Variants in GAB2 observed in about 807,000 individuals in gnomAD.
The protein encoded by GAB2 is GRB2-associated-binding protein 2.
Under a neutral mutation model 65.5 loss-of-function variants are expected in GAB2, and 26 were observed. That is an observed-to-expected ratio of 0.40 (90% CI 0.29 to 0.55). The LOEUF (loss-of-function observed/expected upper bound fraction) is 0.55, where lower values mean the gene tolerates loss of function less well. GAB2 is among the 20% of genes least tolerant of loss of function. The pLI, the probability that GAB2 is intolerant of heterozygous loss-of-function variation, is 0.53. For missense variants in GAB2, 884 were observed against 875.8 expected (o/e 1.01, Z -0.12); for synonymous variants, 321 against 329.6 (o/e 0.97, Z 0.28).
At chr11:78,241,375 C>G (rs940717520) in intron 3 of GAB2, among the ~76,000 whole-genome samples, 3 of 152,072 alleles carry the variant, frequency 2.0e-5, no homozygotes, top group African/African-American at 7.2e-5. Flanking sequence ...AGCATGGACA[C>G]TTAACATGAG....
At chr11:78,405,379 G>A (rs1475920810) in intron 1 of GAB2, among the ~76,000 whole-genome samples, 19 of 152,152 alleles carry the variant, frequency 1.2e-4, no homozygotes, top group Admixed American at 1.0e-3. Context: ...GATTATAGGC[G>A]TGAGCCACCA....
chr11:78,291,307 A>C (rs1324784992), intron 1 of GAB2, among the ~76,000 whole-genome samples: 1 of 150,666 alleles, frequency 6.6e-6, no homozygotes, highest in Non-Finnish European at 1.5e-5. Context: ...AAAAAAAAAA[A>C]AAAAAAAAAT....
Position 78,382,994 on chromosome 11 carries a change from C to T in GAB2, c.75+34652G>A, listed in dbSNP as rs1225303443. Among the ~76,000 whole-genome samples the T allele has an allele frequency of 2.6e-5, 4 of 152,292 alleles. No homozygotes were observed. In the East Asian group the frequency reaches 7.7e-4, roughly 29 times the overall value. On this transcript the variant is annotated intron_variant, in intron 1 of 9. Transcript: ENST00000361507. Reference sequence around the variant, plus strand: ...CTGACTTTAGAAACAGTCTTCCAGCCGGGTGTGGTGGCTCACGCCTGTAAT... The same window carrying T: ...CTGACTTTAGAAACAGTCTTCCAGCTGGGTGTGGTGGCTCACGCCTGTAAT...
intron 3 of GAB2, among the ~76,000 whole-genome samples, chr11:78,240,711 C>T (rs897840952): frequency 9.9e-5 from 15 of 151,184 alleles, no homozygotes; most frequent in African/African-American, 3.4e-4. Flanking sequence ...TAGTTGTATC[C>T]TCCTCCCTGA....
chr11:78,240,067 C>T (rs1301232924), intron 3 of GAB2, among the ~76,000 whole-genome samples: 3 of 151,906 alleles, frequency 2.0e-5, no homozygotes, highest in African/African-American at 7.3e-5. Context: ...CTCCCCACTC[C>T]CTTGGGCCAG....
intron 1 of GAB2, among the ~76,000 whole-genome samples, chr11:78,401,114 TA>T (rs754665540): frequency 0.061 from 8,787 of 145,122 alleles, 294 homozygotes; most frequent in Admixed American, 0.095. Flanking sequence ...AAGTGAGGTT[TA>T]AAAAAAAAAA....
chr11:78,416,153 T>C (rs1038565535), intron 1 of GAB2, among the ~76,000 whole-genome samples: 1 of 152,164 alleles, frequency 6.6e-6, no homozygotes, highest in Non-Finnish European at 1.5e-5. Context: ...GTTTATTTCT[T>C]AATAATTATA....
intron 2 of GAB2, among the ~76,000 whole-genome samples, chr11:78,265,879 G>C (rs754368473): frequency 6.6e-6 from 1 of 152,080 alleles, no homozygotes; most frequent in Non-Finnish European, 1.5e-5. Flanking sequence ...TTTTTAAAAA[G>C]AATTTTGTGT....
intron 1 of GAB2, among the ~76,000 whole-genome samples, chr11:78,338,832 TC>T (rs1159510760): frequency 6.6e-6 from 1 of 152,150 alleles, no homozygotes; most frequent in Non-Finnish European, 1.5e-5. Flanking sequence ...AAACAATGAC[TC>T]CAAATTTCAC....
At chr11:78,294,192 G>C (rs948356309) in intron 1 of GAB2, among the ~76,000 whole-genome samples, 3 of 152,150 alleles carry the variant, frequency 2.0e-5, no homozygotes, top group African/African-American at 7.2e-5. Context: ...CCTTGCGATA[G>C]TTTGCTGAGA....
intron 1 of GAB2, among the ~76,000 whole-genome samples, chr11:78,291,280 C>T (rs1472968161): frequency 1.3e-4 from 17 of 129,362 alleles, no homozygotes; most frequent in Non-Finnish European, 2.4e-4. Context: ...GTGAAACCGT[C>T]TCTACTAAAA....
chr11:78,372,699 A>T (rs924853244), intron 1 of GAB2, among the ~76,000 whole-genome samples: 2 of 152,210 alleles, frequency 1.3e-5, no homozygotes, highest in Non-Finnish European at 2.9e-5. Context: ...CAGTAATTCC[A>T]GTCTTTACAT....
Position 78,278,452 on chromosome 11 carries a change from G to C in GAB2, c.376+2149C>G, listed in dbSNP as rs1477267896. Among the ~76,000 whole-genome samples, 3 of 146,450 alleles carry C rather than the reference G, an allele frequency of 2.0e-5. No homozygotes were observed. The East Asian group carries it at 6.2e-4, about 30-fold the overall frequency. On this transcript the variant is annotated intron_variant, in intron 2 of 9. Transcript: ENST00000361507. ...GGCTGGAGTGCAGTGGTGCGATCTTGTCTCTGCAACCTCTGCCTCCTGAGT... is the reference window on the plus strand; with the variant it reads ...GGCTGGAGTGCAGTGGTGCGATCTTCTCTCTGCAACCTCTGCCTCCTGAGT...
At chr11:78,292,068 T>A (rs1404627561) in intron 1 of GAB2, among the ~76,000 whole-genome samples, 1 of 151,994 alleles carries the variant, frequency 6.6e-6, no homozygotes, top group East Asian at 1.9e-4. Flanking sequence ...GGTGAATTTT[T>A]AAAAAATAAG....
At chr11:78,237,191 A>G (rs776171416) in intron 3 of GAB2, among the ~76,000 whole-genome samples, 1 of 152,246 alleles carries the variant, frequency 6.6e-6, no homozygotes, top group Non-Finnish European at 1.5e-5. Flanking sequence ...TATTTGTCCA[A>G]GAGAAATAAA....
chr11:78,243,276 T>C (rs545681327), intron 3 of GAB2, among the ~76,000 whole-genome samples: 164 of 151,886 alleles, frequency 1.1e-3, no homozygotes, highest in African/African-American at 3.5e-3. Context: ...GAGACCAACC[T>C]GGCCAACATG....
At chr11:78,373,392 C>A (rs1334078998) in intron 1 of GAB2, among the ~76,000 whole-genome samples, 1 of 152,026 alleles carries the variant, frequency 6.6e-6, no homozygotes, top group Non-Finnish European at 1.5e-5. Flanking sequence ...GCATGCATCA[C>A]CACACCCGGC....
chr11:78,375,466 A>G (rs1336521457), intron 1 of GAB2, among the ~76,000 whole-genome samples: 7 of 152,190 alleles, frequency 4.6e-5, no homozygotes, highest in Non-Finnish European at 8.8e-5. Flanking sequence ...TTGTTGGAAA[A>G]TGTTTAACAT....
At chr11:78,284,212 G>A (rs1014397744) in intron 1 of GAB2, among the ~76,000 whole-genome samples, 3 of 152,138 alleles carry the variant, frequency 2.0e-5, no homozygotes, top group African/African-American at 7.2e-5. Flanking sequence ...AGACAGTTCA[G>A]AATATATCAA....
Sources: gnomAD v4.1 joint callset for allele counts (sites outside exome capture counted in the v4.1 genomes callset) on GRCh38, gnomAD v4.1.1 for gene constraint, MANE v1.5 for transcripts, NCBI Gene and HGNC (gene_info 2026-07-23, HGNC 2026-07-21) for gene names.